The following NOL4 variants were observed in gnomAD, a reference collection of about 807,000 sequenced individuals.
NOL4 encodes cancer/testis antigen 125.
Under a neutral mutation model 75.9 loss-of-function variants are expected in NOL4, and 17 were observed. The observed-to-expected ratio is 0.22, with a 90% CI of 0.15 to 0.34. The LOEUF is 0.34. Among genes scored for constraint, NOL4 ranks in the 10% least tolerant of loss-of-function variants. NOL4 has a pLI of 1.00. For synonymous variants in NOL4, 292 were observed against 289.9 expected, an observed-to-expected ratio of 1.01 and a Z score of -0.07; for missense variants, 614 against 793.5, an observed-to-expected ratio of 0.77 and a Z score of 2.72.
chr18:33,925,966 T>G (rs2067300094), intron 9 of NOL4, among the ~76,000 whole-genome samples: 1 of 152,124 alleles, frequency 6.6e-6, no homozygotes, highest in South Asian at 2.1e-4. Flanking sequence ...ATAAATAATT[T>G]TATAATTTGA....
intron 1 of NOL4, among the ~76,000 whole-genome samples, chr18:34,157,618 A>G (rs2030668808): frequency 6.6e-6 from 1 of 151,978 alleles, no homozygotes; most frequent in Admixed American, 6.6e-5. Context: ...AATATGCAGA[A>G]TGAAAAAAAA....
At chr18:34,094,305 C>T (rs985364403) in intron 4 of NOL4, among the ~76,000 whole-genome samples, 3 of 151,892 alleles carry the variant, frequency 2.0e-5, no homozygotes, top group Non-Finnish European at 4.4e-5. Context: ...CTAATATAGC[C>T]AACTTATATA....
intron 6 of NOL4, among the ~76,000 whole-genome samples, chr18:33,988,971 A>C (rs2146083402): frequency 6.6e-6 from 1 of 151,954 alleles, no homozygotes; most frequent in African/African-American, 2.4e-5. Flanking sequence ...GCCAACTGGA[A>C]GACTGCTTGA....
chr18:33,885,934 G>GAT (rs1205831397), intron 9 of NOL4, among the ~76,000 whole-genome samples: 1 of 152,084 alleles, frequency 6.6e-6, no homozygotes, highest in Non-Finnish European at 1.5e-5. Flanking sequence ...TCCATCAAAG[G>GAT]ATGAATGAAT....
intron 7 of NOL4, among the ~76,000 whole-genome samples, chr18:33,957,734 G>C (rs1302726142): frequency 6.6e-6 from 1 of 152,142 alleles, no homozygotes; most frequent in African/African-American, 2.4e-5. Context: ...AAGGCAGACA[G>C]ACAGACAAAC....
chr18:34,116,993 T>C (rs1295605033), intron 2 of NOL4, among the ~76,000 whole-genome samples: 1 of 152,190 alleles, frequency 6.6e-6, no homozygotes, highest in African/African-American at 2.4e-5. Flanking sequence ...CCTGAAATGG[T>C]AGAGAATTTG....
intron 5 of NOL4, among the ~76,000 whole-genome samples, chr18:34,073,227 A>G (rs2077596056): frequency 6.6e-6 from 1 of 152,118 alleles, no homozygotes; most frequent in African/African-American, 2.4e-5. Context: ...AATATCAGGA[A>G]TGAAAGGTGA....
At position 34,224,223 on chromosome 18, in the gene NOL4, C is replaced by CAAG. The variant is rs1209602464; in HGVS notation, c.-973_-971dup. 1 of 152,246 alleles carries CAAG rather than the reference C, an allele frequency of 6.6e-6. No individual in the cohort carries two copies. Among genetic ancestry groups the CAAG allele is most frequent in the African/African-American group, 2.4e-5 (1 of 41,462 alleles). 9.4% of individuals were successfully genotyped at this position (152,246 alleles called of 1,614,324 possible). Reference sequence around the variant, plus strand: ...CAGGACTCCTCTGGTTTCTGCTGAACAAGACATAGAAGTAAGTTTAGGATA... The same window carrying CAAG: ...CAGGACTCCTCTGGTTTCTGCTGAACAAGAAGACATAGAAGTAAGTTTAGGATA... On this transcript the variant is annotated 5_prime_UTR_variant, in exon 1 of 11. Transcript: ENST00000261592.
At chr18:33,933,350 G>A (rs761615931) in intron 9 of NOL4, among the ~76,000 whole-genome samples, 2 of 152,134 alleles carry the variant, frequency 1.3e-5, no homozygotes, top group Non-Finnish European at 1.5e-5. Context: ...AATGATTAAG[G>A]TGATGGTTGT....
chr18:33,956,694 T>A lies in NOL4; in HGVS notation c.1428+632A>T, dbSNP rs116131011. On this transcript the variant is annotated intron_variant, in intron 8 of 10. Transcript: ENST00000261592. ...TGATTTCTAATCTCCACCCTATCAG[T>A]AATCTAATGTCAACATAATCTCATC... Among the ~76,000 whole-genome samples the A allele has an allele frequency of 3.1e-3, 467 of 152,290 alleles. 2 individuals carry two copies. The highest frequency in any genetic ancestry group is 0.011 in the African/African-American group (449 of 41,570).
intron 3 of NOL4, 104 bp downstream of exon 3, chr18:34,104,945 T>C: frequency 1.5e-6 from 1 of 675,118 alleles, no homozygotes; most frequent in Admixed American, 2.5e-5. Context: ...ATGATCTGAC[T>C]TGTTGAACTG....
chr18:33,853,096 T>C, intron 10 of NOL4, 61 bp from the exon 11 acceptor site: 1 of 1,382,832 alleles, frequency 7.2e-7, no homozygotes. Context: ...ATCTTGGATG[T>C]GAGCATTCAA....
intron 1 of NOL4, 112 bp from the exon 2 acceptor site, chr18:34,130,132 T>G: frequency 4.0e-6 from 4 of 1,001,772 alleles, no homozygotes; most frequent in Non-Finnish European, 5.3e-6. Context: ...AAATCATCTA[T>G]ATAGGAAACG....
intron 6 of NOL4, among the ~76,000 whole-genome samples, chr18:33,961,937 C>T (rs556319696): frequency 6.6e-5 from 10 of 152,142 alleles, no homozygotes; most frequent in Non-Finnish European, 4.4e-5. Context: ...AGACCAACCA[C>T]GGGGCCTGTT....
At chr18:33,886,298 C>T (rs950501989) in intron 9 of NOL4, among the ~76,000 whole-genome samples, 4 of 151,774 alleles carry the variant, frequency 2.6e-5, no homozygotes, top group South Asian at 4.2e-4. Context: ...GAGGCTGAGC[C>T]GGGTGGATCA....
intron 1 of NOL4, among the ~76,000 whole-genome samples, chr18:34,141,713 C>G (rs2081171669): frequency 6.6e-6 from 1 of 152,148 alleles, no homozygotes; most frequent in Non-Finnish European, 1.5e-5. Flanking sequence ...AATGTTAGAC[C>G]TAAAACCATG....
At chr18:34,092,326 A>G (rs1034038858) in intron 5 of NOL4, among the ~76,000 whole-genome samples, 2 of 152,182 alleles carry the variant, frequency 1.3e-5, no homozygotes, top group Non-Finnish European at 2.9e-5. Flanking sequence ...CTATTATAGC[A>G]CGTAGCAATT....
chr18:33,925,748 T>C (rs986307793), intron 9 of NOL4, among the ~76,000 whole-genome samples: 2 of 152,096 alleles, frequency 1.3e-5, no homozygotes, highest in Non-Finnish European at 2.9e-5. Flanking sequence ...TTCTCCTTTT[T>C]AAAGGGAAAT....
chr18:34,054,306 T>G (rs2095710363), intron 5 of NOL4, among the ~76,000 whole-genome samples: 1 of 151,898 alleles, frequency 6.6e-6, no homozygotes, highest in Admixed American at 6.6e-5. Flanking sequence ...GGTATTGAAG[T>G]CTCCTACTAT....
Sources: allele counts gnomAD v4.1 joint callset (sites outside exome capture counted in the v4.1 genomes callset), GRCh38; gene constraint gnomAD v4.1.1; transcripts MANE v1.5; gene names NCBI Gene and HGNC (gene_info 2026-07-23, HGNC 2026-07-21).